The following MMP20 variants were observed in gnomAD, a reference collection of about 807,000 sequenced individuals.
The protein encoded by MMP20 is matrix metallopeptidase 20, also known as matrix metalloproteinase-20.
In MMP20, 50 loss-of-function variants were observed where a neutral mutation model predicts 51.8. The ratio of observed to expected loss-of-function variants is 0.97; its 90% CI spans 0.77 to 1.22. MMP20 has a LOEUF of 1.22. Ranked by LOEUF, MMP20 falls within the 50% of genes most tolerant of loss-of-function variation. The pLI is 0.00. For missense variants in MMP20, 663 were observed against 601.4 expected, an observed-to-expected ratio of 1.10 and a Z score of -1.07; for synonymous variants, 244 against 216.2, an observed-to-expected ratio of 1.13 and a Z score of -1.13.
intron 5 of MMP20, 81 bp downstream of exon 5, chr11:102,608,856 G>T: frequency 7.0e-7 from 1 of 1,436,792 alleles, no homozygotes; most frequent in Non-Finnish European, 9.8e-7. Flanking sequence ...TACCAATGCA[G>T]ATAAAATGCA....
chr11:102,623,604 G>T (rs1442363398), intron 1 of MMP20, among the ~76,000 whole-genome samples: 1 of 152,174 alleles, frequency 6.6e-6, no homozygotes, highest in East Asian at 1.9e-4. Flanking sequence ...TTAATAGACT[G>T]GTCAGGGGTG....
chr11:102,585,511 C>T (rs1940059), intron 8 of MMP20, among the ~76,000 whole-genome samples: 3 of 152,054 alleles, frequency 2.0e-5, no homozygotes, highest in Non-Finnish European at 4.4e-5. Context: ...AGAGTATTCT[C>T]TAGGGTTTTT....
At chr11:102,594,825 C>T (rs1355304284) in intron 6 of MMP20, 68 bp from the exon 7 acceptor site, 28 of 1,570,158 alleles carry the variant, frequency 1.8e-5, no homozygotes, top group Non-Finnish European at 2.4e-5. Context: ...TATAAAATTG[C>T]ACTTTGACTG....
At chr11:102,596,442 T>C (rs1240218469) in intron 6 of MMP20, among the ~76,000 whole-genome samples, 3 of 152,178 alleles carry the variant, frequency 2.0e-5, no homozygotes, top group Non-Finnish European at 4.4e-5. Context: ...GCCAATATCA[T>C]GAGACCATTA....
intron 8 of MMP20, among the ~76,000 whole-genome samples, chr11:102,582,834 C>G (rs1362191898): frequency 6.6e-6 from 1 of 152,156 alleles, no homozygotes; most frequent in Non-Finnish European, 1.5e-5. Context: ...AAAGATGTTG[C>G]AAGTGTTGAC....
At chr11:102,617,932 C>T (rs1859695288) in intron 1 of MMP20, among the ~76,000 whole-genome samples, 1 of 152,144 alleles carries the variant, frequency 6.6e-6, no homozygotes, top group African/African-American at 2.4e-5. Flanking sequence ...TTCAGTCCTC[C>T]TTTCATGTCC....
At chr11:102,623,436 G>C (rs1296505202) in intron 1 of MMP20, among the ~76,000 whole-genome samples, 1 of 152,174 alleles carries the variant, frequency 6.6e-6, no homozygotes, top group Non-Finnish European at 1.5e-5. Context: ...GCATGTGTGA[G>C]GGACCTAGGT....
chr11:102,586,588 C>T (rs565105656), intron 8 of MMP20, among the ~76,000 whole-genome samples: 23 of 151,966 alleles, frequency 1.5e-4, no homozygotes, highest in African/African-American at 4.3e-4. Context: ...CTGAGGTGGG[C>T]GGATCACGAG....
In MMP20 at chr11:102,616,952, G is replaced by A. The variant is rs777055507; in HGVS notation, c.234C>T (p.Phe78=). 1.9e-6 allele frequency: 3 copies of A among 1,614,198 alleles called. No homozygotes were observed. The Admixed American group carries it at 5.0e-5, about 27-fold the overall frequency. ...MIRKIKELQA[F]FGLQVTGKLD... ...ACTTCCCGGTGACTTGGAGGCCAAA[G>A]AACGCTTGTAGCTCCTTAATCTTCC... Residue 78 remains phenylalanine, a synonymous_variant, in exon 2 of 10, where the codon TTC becomes TTT. Coordinates refer to ENST00000260228, the MANE Select transcript of MMP20 (RefSeq NM_004771.4).
At chr11:102,599,659 T>C (rs1859423114) in intron 6 of MMP20, among the ~76,000 whole-genome samples, 1 of 152,236 alleles carries the variant, frequency 6.6e-6, no homozygotes, top group South Asian at 2.1e-4. Flanking sequence ...AGTTTATCAA[T>C]ATAGCCAAGT....
chr11:102,594,765 A>C lies in MMP20; in HGVS notation c.954-8T>G. The C allele has an allele frequency of 1.3e-6, 2 of 1,497,412 alleles. No individual in the cohort carries two copies. Among genetic ancestry groups the C allele is most frequent in the Non-Finnish European group, 1.8e-6 (2 of 1,130,458 alleles). The allele number at this position is 1,497,412 out of a possible 1,614,324, so 92.8% of individuals were successfully genotyped here. On this transcript the variant is annotated splice_region_variant and splice_polypyrimidine_tract_variant and intron_variant, in intron 6 of 9. Transcript: ENST00000260228. ...TGCCGTCTCCAGAAAATCCTATGGG[A>C]CATTCCAAAAAAAAAAAAAAAAAAA...
At chr11:102,584,092 T>C (rs1002327106) in intron 8 of MMP20, among the ~76,000 whole-genome samples, 2 of 152,228 alleles carry the variant, frequency 1.3e-5, no homozygotes, top group Non-Finnish European at 2.9e-5. Flanking sequence ...TATGAATATT[T>C]GTATACAGCT....
intron 8 of MMP20, among the ~76,000 whole-genome samples, chr11:102,592,794 A>G (rs1441762574): frequency 3.3e-5 from 5 of 152,238 alleles, no homozygotes; most frequent in African/African-American, 1.2e-4. Context: ...TCATTCCTCA[A>G]CATGAGTCAA....
chr11:102,594,806 T>G lies in MMP20; in HGVS notation c.954-49A>C, dbSNP rs745399715. 13 of 1,594,618 alleles carry G rather than the reference T, an allele frequency of 8.2e-6. 1 individual carries two copies. In the South Asian group the frequency reaches 1.1e-4, roughly 14 times the overall value. On this transcript the variant is annotated intron_variant, in intron 6 of 9. Coordinates refer to ENST00000260228, the MANE Select transcript of MMP20 (RefSeq NM_004771.4). ...AAAAAAAAAAATCAAGATCAATGAT[T>G]GATTTACATATAAAATTGCACTTTG...
chr11:102,623,024 T>G (rs985364269), intron 1 of MMP20, among the ~76,000 whole-genome samples: 1 of 152,208 alleles, frequency 6.6e-6, no homozygotes, highest in African/African-American at 2.4e-5. Context: ...GCAAAGGTGC[T>G]GTGTGTCAGG....
At chr11:102,592,550 A>G (rs1300659118) in intron 8 of MMP20, among the ~76,000 whole-genome samples, 1 of 152,242 alleles carries the variant, frequency 6.6e-6, no homozygotes, top group East Asian at 1.9e-4. Flanking sequence ...TACCACAAAA[A>G]TGATTATTTA....
At chr11:102,603,469 C>T (rs1859474266) in intron 6 of MMP20, among the ~76,000 whole-genome samples, 1 of 152,188 alleles carries the variant, frequency 6.6e-6, no homozygotes, top group Admixed American at 6.5e-5. Flanking sequence ...ATTCCAGCTC[C>T]ACCCCTTACT....
At chr11:102,606,874 T>G in intron 5 of MMP20, 198 bp from the exon 6 acceptor site, 1 of 612,564 alleles carries the variant, frequency 1.6e-6, no homozygotes, top group Non-Finnish European at 2.9e-6. Flanking sequence ...TTATTCAACT[T>G]TGCAAGCCTC....
At chr11:102,625,084 A>G (rs1466255332) in intron 1 of MMP20, 110 bp downstream of exon 1, 31 of 1,428,388 alleles carry the variant, frequency 2.2e-5, no homozygotes, top group Non-Finnish European at 7.8e-6. Context: ...ATGGACTTAT[A>G]TAAAATGATT....
Sources: gnomAD v4.1 joint callset for allele counts (sites outside exome capture counted in the v4.1 genomes callset) on GRCh38, gnomAD v4.1.1 for gene constraint, MANE v1.5 for transcripts, NCBI Gene and HGNC (gene_info 2026-07-23, HGNC 2026-07-21) for gene names.